The following CCDC91 variants were observed in gnomAD, a reference collection of about 807,000 sequenced individuals.
CCDC91 encodes coiled-coil domain-containing protein 91.
A neutral mutation model predicts 63.2 loss-of-function variants in CCDC91; 48 were observed. The observed-to-expected ratio is 0.76, with a 90% CI of 0.60 to 0.97. The LOEUF (loss-of-function observed/expected upper bound fraction) is 0.97, where lower values mean the gene tolerates loss of function less well. CCDC91 is among the 50% of genes least tolerant of loss of function. The pLI, the probability that CCDC91 is intolerant of heterozygous loss-of-function variation, is 0.00. For synonymous variants in CCDC91, 167 were observed against 165.8 expected (o/e 1.01, Z -0.06); for missense variants, 500 against 494.6 (o/e 1.01, Z -0.10).
chr12:28,310,137 C>T (rs2137157831), intron 6 of CCDC91, among the ~76,000 whole-genome samples: 1 of 152,130 alleles, frequency 6.6e-6, no homozygotes, highest in South Asian at 2.1e-4. Context: ...TGACCTCATC[C>T]TTGGAACTAT....
At chr12:28,488,835 T>C (rs1263439486) in intron 12 of CCDC91, among the ~76,000 whole-genome samples, 1 of 151,992 alleles carries the variant, frequency 6.6e-6, no homozygotes, top group African/African-American at 2.4e-5. Flanking sequence ...GACCATATTG[T>C]ATTTTATTAA....
chr12:28,386,949 T>C (rs1945640976), intron 7 of CCDC91, among the ~76,000 whole-genome samples: 1 of 152,150 alleles, frequency 6.6e-6, no homozygotes, highest in Non-Finnish European at 1.5e-5. Flanking sequence ...ATATCTTTTT[T>C]TAATGTTGTA....
intron 3 of CCDC91, among the ~76,000 whole-genome samples, chr12:28,285,445 G>A (rs1948853563): frequency 1.3e-5 from 2 of 151,634 alleles, no homozygotes; most frequent in African/African-American, 4.8e-5. Flanking sequence ...CCAGAGACTG[G>A]AATACTCAAG....
chr12:28,245,002 T>C (rs2136008677), intron 1 of CCDC91, among the ~76,000 whole-genome samples: 1 of 152,232 alleles, frequency 6.6e-6, no homozygotes, highest in Non-Finnish European at 1.5e-5. Flanking sequence ...GTATCATAGA[T>C]ACTATCATAG....
At chr12:28,225,963 C>G (rs925183604) in intron 1 of CCDC91, 1 of 152,188 alleles carries the variant, frequency 6.6e-6, no homozygotes, top group African/African-American at 2.4e-5. Flanking sequence ...TTGCTTCCAG[C>G]CTGTTGGTGA....
intron 7 of CCDC91, among the ~76,000 whole-genome samples, chr12:28,375,547 A>G (rs1486524882): frequency 6.6e-6 from 1 of 151,968 alleles, no homozygotes; most frequent in Admixed American, 6.6e-5. Context: ...TTGAAGTACA[A>G]AAGAAAACAA....
chr12:28,269,424 A>G (rs1334815069), intron 3 of CCDC91, among the ~76,000 whole-genome samples: 1 of 152,092 alleles, frequency 6.6e-6, no homozygotes, highest in Non-Finnish European at 1.5e-5. Flanking sequence ...CATTCAAACC[A>G]GGGATGTTTT....
At chr12:28,440,311 A>G (rs1300779217) in intron 8 of CCDC91, among the ~76,000 whole-genome samples, 1 of 152,196 alleles carries the variant, frequency 6.6e-6, no homozygotes, top group Admixed American at 6.5e-5. Context: ...GTAAGTAATT[A>G]TTGCCTAATT....
At chr12:28,462,502 G>T (rs569436389) in intron 11 of CCDC91, among the ~76,000 whole-genome samples, 2 of 152,128 alleles carry the variant, frequency 1.3e-5, no homozygotes, top group African/African-American at 4.8e-5. Context: ...TAAGACAGTT[G>T]TAAGAAGCTA....
chr12:28,343,687 C>G (rs145052771), intron 6 of CCDC91, among the ~76,000 whole-genome samples: 1,720 of 152,166 alleles, frequency 0.011, 36 homozygotes, highest in African/African-American at 0.04. Flanking sequence ...AATTATACAA[C>G]TAAATTTATG....
chr12:28,267,662 A>G (rs1947280362), intron 3 of CCDC91, among the ~76,000 whole-genome samples: 1 of 49,184 alleles, frequency 2.0e-5, no homozygotes, highest in African/African-American at 5.1e-5. Flanking sequence ...CCCAATTAAT[A>G]TATTAATTAT....
intron 12 of CCDC91, among the ~76,000 whole-genome samples, chr12:28,502,267 A>G (rs887409104): frequency 1.3e-5 from 2 of 151,946 alleles, no homozygotes; most frequent in African/African-American, 2.4e-5. Context: ...CAAAAATCAC[A>G]AGCATTCTTA....
intron 3 of CCDC91, among the ~76,000 whole-genome samples, chr12:28,261,851 A>T (rs1259972542): frequency 6.6e-6 from 1 of 151,800 alleles, no homozygotes; most frequent in East Asian, 1.9e-4. Flanking sequence ...ACACACTCAC[A>T]CTCACACACT....
intron 7 of CCDC91, among the ~76,000 whole-genome samples, chr12:28,375,470 G>A (rs1592476263): frequency 6.6e-6 from 1 of 151,936 alleles, no homozygotes; most frequent in East Asian, 1.9e-4. Context: ...GTTAAAGGCA[G>A]CATTCTTTCG....
intron 12 of CCDC91, among the ~76,000 whole-genome samples, chr12:28,495,743 T>G (rs1952245181): frequency 6.6e-6 from 1 of 151,692 alleles, no homozygotes; most frequent in Non-Finnish European, 1.5e-5. Flanking sequence ...TCAACTAATT[T>G]TGTTTTTGAA....
intron 1 of CCDC91, among the ~76,000 whole-genome samples, chr12:28,239,021 G>A (rs962585768): frequency 6.6e-6 from 1 of 151,882 alleles, no homozygotes; most frequent in African/African-American, 2.4e-5. Context: ...CGGGAAGGCT[G>A]GGGTGGGAGA....
Position 28,307,759 on chromosome 12 carries a change from T to C in CCDC91, c.576+10T>C. 5.7e-6 allele frequency: 8 copies of C among 1,399,404 alleles called. No individual in the cohort carries two copies. Among genetic ancestry groups the C allele is most frequent in the Non-Finnish European group, 8.0e-6 (8 of 1,000,366 alleles). 86.7% of individuals were successfully genotyped at this position (1,399,404 alleles called of 1,614,324 possible). A position where few individuals can be genotyped will look rare whatever the true frequency, so the allele number is the denominator to read the frequency against. On this transcript the variant is annotated intron_variant, in intron 6 of 12. Coordinates refer to ENST00000536442, the MANE Select transcript of CCDC91 (RefSeq NM_018318.5). ...ATACAAAGAACTTCAGGTAAGGCGATTGAACTTAAGATTTAAAATGTAAGC... is the reference window on the plus strand; with the variant it reads ...ATACAAAGAACTTCAGGTAAGGCGACTGAACTTAAGATTTAAAATGTAAGC...
intron 12 of CCDC91, among the ~76,000 whole-genome samples, chr12:28,529,378 T>C (rs1941550263): frequency 6.6e-6 from 1 of 152,176 alleles, no homozygotes; most frequent in Non-Finnish European, 1.5e-5. Flanking sequence ...TGATGACTGG[T>C]GAAGTCAGTA....
intron 12 of CCDC91, among the ~76,000 whole-genome samples, chr12:28,493,263 A>G (rs969517956): frequency 2.2e-4 from 34 of 151,882 alleles, no homozygotes; most frequent in African/African-American, 7.7e-4. Flanking sequence ...TGCAAACTAT[A>G]TGGTGAGATT....
Sources: allele counts gnomAD v4.1 joint callset (sites outside exome capture counted in the v4.1 genomes callset), GRCh38; gene constraint gnomAD v4.1.1; transcripts MANE v1.5; gene names NCBI Gene and HGNC (gene_info 2026-07-23, HGNC 2026-07-21).